The following ANO5 variants were observed in gnomAD, a reference collection of about 807,000 sequenced individuals.
ANO5 encodes anoctamin-5.
ANO5 carries 109 observed loss-of-function variants against 121.0 expected under a neutral mutation model. The ratio of observed to expected loss-of-function variants is 0.90; its 90% CI spans 0.77 to 1.06. The LOEUF (loss-of-function observed/expected upper bound fraction) is 1.06, where lower values mean the gene tolerates loss of function less well. Among genes scored for constraint, ANO5 ranks in the 50% least tolerant of loss-of-function variants. The probability of loss-of-function intolerance (pLI) is 0.00; values close to 1 mark genes in which losing one functional copy is unlikely to be tolerated. For missense variants in ANO5, 1,064 were observed against 1,078.5 expected (o/e 0.99, Z 0.19); for synonymous variants, 406 against 359.9 (o/e 1.13, Z -1.45).
rs1312234066 is a variant in ANO5, at chr11:22,280,410, C to A, written c.*645C>A. The A allele has an allele frequency of 6.6e-6, 1 of 151,786 alleles. No homozygotes were observed. The highest frequency in any genetic ancestry group is 1.5e-5 in the Non-Finnish European group (1 of 67,844). 9.4% of individuals were successfully genotyped at this position (151,786 alleles called of 1,614,324 possible). On this transcript the variant is annotated 3_prime_UTR_variant, in exon 22 of 22. Transcript: ENST00000324559. ...TCGAGACTGAAATTTTGGGTTTCAA[C>A]ATAAAACAACTTGGTTCTTAGAGAT...
intron 10 of ANO5, 57 bp downstream of exon 10, chr11:22,250,428 A>C (rs1247106598): frequency 6.3e-7 from 1 of 1,598,938 alleles, no homozygotes; most frequent in Non-Finnish European, 8.5e-7. Flanking sequence ...TGCCAAATGA[A>C]GTTGTTGTTA....
At position 22,218,293 on chromosome 11, in the gene ANO5, A is replaced by G. The variant is rs774759385; in HGVS notation, c.180+6A>G. 3.7e-6 allele frequency: 6 copies of G among 1,613,254 alleles called. No homozygotes were observed. The highest frequency in any genetic ancestry group is 1.3e-5 in the African/African-American group (1 of 74,924). ...TCCTGAGGCGGCGGCTTATGGTAAA[A>G]CCAGTGCTGAATGATGCTGCTTATG... On this transcript the variant is annotated splice_donor_region_variant and intron_variant, in intron 4 of 21. Coordinates refer to ENST00000324559, the MANE Select transcript of ANO5 (RefSeq NM_213599.3).
chr11:22,279,634 A>C lies in ANO5; in HGVS notation c.2611A>C (p.Met871Leu), dbSNP rs189233047. Reference protein sequence around the residue: ...VVERIKREKLMTIKILHDFEL... With the variant: ...VVERIKREKLLTIKILHDFEL... ...GGAGAGAATCAAGAGAGAAAAGTTA[A>C]TGACTATCAAGATTCTCCATGATTT... The change falls in exon 22 of 22, where the codon ATG becomes CTG. Residue 871 changes from methionine (M) to leucine (L), a missense_variant. By Grantham distance (15) the Met-to-Leu change is conservative. Transcript: ENST00000324559. The C allele has an allele frequency of 9.3e-6, 15 of 1,612,986 alleles. No homozygotes were observed. In the African/African-American group the frequency reaches 1.9e-4, roughly 20 times the overall value.
chr11:22,249,031 TG>T (rs1330322400), intron 9 of ANO5, among the ~76,000 whole-genome samples: 3 of 152,016 alleles, frequency 2.0e-5, no homozygotes, highest in Non-Finnish European at 4.4e-5. Flanking sequence ...CTAAGGAAGT[TG>T]TGAATGGCAG....
At chr11:22,210,823 T>C (rs897880619) in intron 2 of ANO5, among the ~76,000 whole-genome samples, 1 of 151,930 alleles carries the variant, frequency 6.6e-6, no homozygotes, top group South Asian at 2.1e-4. Flanking sequence ...TTCAAACAAA[T>C]GTTGAAGGGC....
chr11:22,222,356 A>T lies in ANO5; in HGVS notation c.294+1146A>T, dbSNP rs188553004. The stretch of plus-strand genomic sequence containing the variant: ...AATATCAATTCATACTTAGATGATT[A>T]TTTTGACACTCTGGCCTCTCTGTTC... On this transcript the variant is annotated intron_variant, in intron 5 of 21. Coordinates refer to ENST00000324559, the MANE Select transcript of ANO5 (RefSeq NM_213599.3). 8.6e-3 allele frequency among the ~76,000 whole-genome samples: 1,314 copies of T among 152,040 alleles called. 23 individuals carry two copies. Among genetic ancestry groups the T allele is most frequent in the African/African-American group, 0.03 (1,240 of 41,508 alleles).
rs957552468 is a variant in ANO5, at chr11:22,208,100, C to T, written c.88-3164C>T. Among the ~76,000 whole-genome samples the T allele has an allele frequency of 3.3e-5, 5 of 152,048 alleles. No individual in the cohort carries two copies. In the South Asian group the frequency reaches 1.0e-3, roughly 31 times the overall value. ...TGGGGGAAACATAAAATGATACAGT[C>T]ACTCTGGAAAACTGTTGGGCAGTTT... On this transcript the variant is annotated intron_variant, in intron 2 of 21. Transcript: ENST00000324559.
chr11:22,273,438 T>A (rs114676051), intron 19 of ANO5, among the ~76,000 whole-genome samples: 2,520 of 152,182 alleles, frequency 0.017, 68 homozygotes, highest in African/African-American at 0.057. Flanking sequence ...AAGTTGATAA[T>A]AAGATAATCA....
At position 22,272,775 on chromosome 11, in the gene ANO5, T is replaced by C; in HGVS notation, c.2030-9T>C. 3 of 1,612,454 alleles carry C rather than the reference T, an allele frequency of 1.9e-6. No individual in the cohort carries two copies. Among genetic ancestry groups the C allele is most frequent in the South Asian group, 2.2e-5 (2 of 91,032 alleles). On this transcript the variant is annotated splice_polypyrimidine_tract_variant and intron_variant, in intron 18 of 21. Coordinates refer to ENST00000324559, the MANE Select transcript of ANO5 (RefSeq NM_213599.3). ...ATAATGAGTTCATGCCTTTTTCTTT[T>C]CTCTACAGTTACTCAATTTGGATTT...
chr11:22,252,490 A>T (rs757967631), intron 12 of ANO5, among the ~76,000 whole-genome samples: 118 of 152,312 alleles, frequency 7.7e-4, no homozygotes, highest in Non-Finnish European at 9.1e-4. Flanking sequence ...AGTGAGACTG[A>T]TCACATTTTT....
Position 22,279,807 on chromosome 11 carries a change from CT to C in ANO5, c.*45del. 6.5e-7 allele frequency: 1 copy of C among 1,538,154 alleles called. No homozygotes were observed. The highest frequency in any genetic ancestry group is 9.0e-7 in the Non-Finnish European group (1 of 1,116,432). ...GCAGCAGGTGATCTGCCTTACTTCA[CT>C]TTATCCTCTGGTTTTAGGGCCAGAC... On this transcript the variant is annotated 3_prime_UTR_variant, in exon 22 of 22. Coordinates refer to ENST00000324559, the MANE Select transcript of ANO5 (RefSeq NM_213599.3).
At chr11:22,220,510 C>T (rs1047381935) in intron 4 of ANO5, among the ~76,000 whole-genome samples, 6 of 151,778 alleles carry the variant, frequency 4.0e-5, no homozygotes, top group East Asian at 1.9e-4. Flanking sequence ...TTTTTGCTCA[C>T]CTGGGAAATT....
rs1311531146 is a variant in ANO5, at chr11:22,258,944, TAA to T, written c.1408-574_1408-573del. Reference sequence around the variant, plus strand: ...GTCAGGAGATCGAGACTATCCTGGCTAACATGGTGAAACCCCGTCTCTACTAA... The same window carrying T: ...GTCAGGAGATCGAGACTATCCTGGCTCATGGTGAAACCCCGTCTCTACTAA... On this transcript the variant is annotated intron_variant, in intron 14 of 21. Coordinates refer to ENST00000324559, the MANE Select transcript of ANO5 (RefSeq NM_213599.3). Among the ~76,000 whole-genome samples the T allele has an allele frequency of 3.9e-5, 6 of 152,006 alleles. No homozygotes were observed. The East Asian group carries it at 1.2e-3, about 30-fold the overall frequency.
At chr11:22,235,407 A>T (rs1304727227) in intron 7 of ANO5, among the ~76,000 whole-genome samples, 1 of 152,126 alleles carries the variant, frequency 6.6e-6, no homozygotes, top group Non-Finnish European at 1.5e-5. Flanking sequence ...TGCTCTTAAC[A>T]TGAATGATGA....
intron 1 of ANO5, among the ~76,000 whole-genome samples, chr11:22,198,614 T>C (rs2133496525): frequency 6.6e-6 from 1 of 152,314 alleles, no homozygotes; most frequent in East Asian, 1.9e-4. Flanking sequence ...TGTTTGCAGT[T>C]TTTCAACTTT....
intron 1 of ANO5, among the ~76,000 whole-genome samples, chr11:22,198,980 G>A (rs1391594767): frequency 1.3e-5 from 2 of 152,144 alleles, no homozygotes; most frequent in Non-Finnish European, 2.9e-5. Flanking sequence ...TGATAATACT[G>A]CATGATGTTT....
Position 22,239,580 on chromosome 11 carries a change from G to A in ANO5, c.774G>A (p.Trp258Ter), listed in dbSNP as rs868734578. 3.1e-6 allele frequency: 5 copies of A among 1,611,670 alleles called. No individual in the cohort carries two copies. The highest frequency in any genetic ancestry group is 4.2e-6 in the Non-Finnish European group (5 of 1,178,168). The change falls in exon 9 of 22, where the codon TGG becomes TGA. Residue 258 changes from tryptophan to a stop codon, truncating the protein, a stop_gained. Coordinates refer to ENST00000324559, the MANE Select transcript of ANO5 (RefSeq NM_213599.3). LOFTEE classifies it high-confidence loss of function. ...SAYPLHDGQYWKPSEPPNPTN... is the reference protein window; with the variant it reads ...SAYPLHDGQY ...TTGAATATCTGCAGGGCCAATATTG[G>A]AAGCCATCAGAACCTCCCAATCCTA...
rs1590331573 is a variant in ANO5, at chr11:22,274,565, T to TCAGGC, written c.2236-2_2238dup. ...ATCTTCCTCTTTTTTTTTTTATTCT[T>TCAGGC]CAGGCCTTTATTGTTGCATTTACGT... On this transcript the variant is annotated splice_region_variant and splice_polypyrimidine_tract_variant and intron_variant, in intron 19 of 21. Coordinates refer to ENST00000324559, the MANE Select transcript of ANO5 (RefSeq NM_213599.3). 3.2e-6 allele frequency: 5 copies of TCAGGC among 1,583,634 alleles called. No homozygotes were observed. Among genetic ancestry groups the TCAGGC allele is most frequent in the Non-Finnish European group, 4.3e-6 (5 of 1,165,012 alleles).
intron 13 of ANO5, among the ~76,000 whole-genome samples, chr11:22,255,856 A>G (rs1369673656): frequency 6.6e-6 from 1 of 152,168 alleles, no homozygotes; most frequent in Non-Finnish European, 1.5e-5. Context: ...TTATTTGGAA[A>G]CAAATCCAAG....
Sources: gnomAD v4.1 joint callset for allele counts (sites outside exome capture counted in the v4.1 genomes callset) on GRCh38, gnomAD v4.1.1 for gene constraint, MANE v1.5 for transcripts, NCBI Gene and HGNC (gene_info 2026-07-23, HGNC 2026-07-21) for gene names.